The following KDM4C variants were observed in gnomAD, a reference collection of about 807,000 sequenced individuals.
KDM4C encodes lysine demethylase 4C.
In KDM4C, 81 loss-of-function variants were observed where a neutral mutation model predicts 129.3. The ratio of observed to expected loss-of-function variants is 0.63; its 90% confidence interval spans 0.52 to 0.75. The LOEUF is 0.75. Ranked by LOEUF, KDM4C falls within the 30% of genes least tolerant of loss-of-function variation. The probability of loss-of-function intolerance (pLI) is 0.00; values close to 1 mark genes in which losing one functional copy is unlikely to be tolerated. For synonymous variants in KDM4C, 573 were observed against 456.1 expected, an observed-to-expected ratio of 1.26 and a Z score of -3.26; for missense variants, 1,457 against 1,304.0, an observed-to-expected ratio of 1.12 and a Z score of -1.81.
chr9:7,134,454 TTATG>T (rs982988179), intron 19 of KDM4C, among the ~76,000 whole-genome samples: 1 of 152,228 alleles, frequency 6.6e-6, no homozygotes, highest in African/African-American at 2.4e-5. Context: ...ACCGTTATGT[TTATG>T]TAGCCAAATT....
intron 1 of KDM4C, among the ~76,000 whole-genome samples, chr9:6,739,844 T>G (rs1817631351): frequency 6.6e-6 from 1 of 152,104 alleles, no homozygotes; most frequent in South Asian, 2.1e-4. Context: ...TAAAAATGAA[T>G]AAATAGCAAA....
chr9:7,072,511 T>C (rs1380340797), intron 17 of KDM4C, among the ~76,000 whole-genome samples: 2 of 152,194 alleles, frequency 1.3e-5, no homozygotes, highest in Non-Finnish European at 2.9e-5. Flanking sequence ...AAGTGAAAGA[T>C]GCCTGACTCA....
intron 15 of KDM4C, among the ~76,000 whole-genome samples, chr9:7,036,455 A>G (rs1013844585): frequency 1.3e-5 from 2 of 152,272 alleles, no homozygotes; most frequent in African/African-American, 4.8e-5. Flanking sequence ...GCCACTTAAT[A>G]TGTGCCTGGC....
chr9:7,145,107 C>T (rs1002768952), intron 19 of KDM4C, among the ~76,000 whole-genome samples: 1 of 152,176 alleles, frequency 6.6e-6, no homozygotes, highest in African/African-American at 2.4e-5. Flanking sequence ...AGGCCTCCTC[C>T]TCGGGTGTTG....
At chr9:7,159,230 C>T (rs1366162138) in intron 19 of KDM4C, among the ~76,000 whole-genome samples, 2 of 152,120 alleles carry the variant, frequency 1.3e-5, no homozygotes, top group Non-Finnish European at 2.9e-5. Context: ...TGTGTCTCTG[C>T]ACATGAGCTG....
intron 4 of KDM4C, among the ~76,000 whole-genome samples, chr9:6,829,594 A>T (rs1489325441): frequency 3.9e-5 from 6 of 151,912 alleles, no homozygotes; most frequent in African/African-American, 1.5e-4. Flanking sequence ...ATCCTAGATG[A>T]CTCCTACTTA....
chr9:7,069,333 A>G (rs1450248211), intron 17 of KDM4C, among the ~76,000 whole-genome samples: 1 of 152,196 alleles, frequency 6.6e-6, no homozygotes, highest in Non-Finnish European at 1.5e-5. Context: ...CATACATAGA[A>G]TATTACGCAT....
intron 17 of KDM4C, among the ~76,000 whole-genome samples, chr9:7,050,652 C>A (rs1319152064): frequency 6.6e-6 from 1 of 152,044 alleles, no homozygotes; most frequent in East Asian, 1.9e-4. Context: ...CTTTTAAAAT[C>A]ACCTTTGTTT....
chr9:6,993,464 G>C (rs141456639), intron 12 of KDM4C, among the ~76,000 whole-genome samples: 104 of 152,228 alleles, frequency 6.8e-4, no homozygotes, highest in Middle Eastern at 3.4e-3. Flanking sequence ...CAAATGTTGT[G>C]TTGAAACCTA....
intron 1 of KDM4C, among the ~76,000 whole-genome samples, chr9:6,724,479 G>A (rs767044958): frequency 1.3e-5 from 2 of 152,060 alleles, no homozygotes; most frequent in African/African-American, 2.4e-5. Flanking sequence ...ATTATTTAAT[G>A]GAAATGGTAT....
At chr9:6,895,363 C>T (rs558310850) in intron 8 of KDM4C, among the ~76,000 whole-genome samples, 1 of 152,318 alleles carries the variant, frequency 6.6e-6, no homozygotes, top group East Asian at 1.9e-4. Context: ...AGTTGTAAGA[C>T]TAAACGTTCA....
At chr9:7,123,993 C>G (rs1255140667) in intron 18 of KDM4C, among the ~76,000 whole-genome samples, 1 of 152,206 alleles carries the variant, frequency 6.6e-6, no homozygotes. Context: ...GTATGTTCTT[C>G]ATTTCCTAGA....
intron 8 of KDM4C, among the ~76,000 whole-genome samples, chr9:6,938,112 T>C (rs1044129666): frequency 3.3e-5 from 5 of 152,148 alleles, no homozygotes; most frequent in African/African-American, 1.2e-4. Context: ...TTAGTACTAA[T>C]TAGATTTGCA....
chr9:6,915,035 A>G (rs748084227), intron 8 of KDM4C, among the ~76,000 whole-genome samples: 4 of 152,226 alleles, frequency 2.6e-5, no homozygotes, highest in Non-Finnish European at 5.9e-5. Context: ...AAAGGGGCAC[A>G]ATTTGAAATT....
In KDM4C at chr9:6,965,250, A is replaced by T. The variant is rs190989076; in HGVS notation, c.922-15675A>T. ...CAAGGCAAATTGCAAAGAAAAAAAA[A>T]GTCTAAAACCACATATCAATTTTAT... On this transcript the variant is annotated intron_variant, in intron 8 of 21. Transcript: ENST00000381309. Among the ~76,000 whole-genome samples the T allele has an allele frequency of 3.0e-4, 46 of 151,830 alleles. 1 individual carries two copies. In the East Asian group the frequency reaches 8.3e-3, roughly 27 times the overall value.
At chr9:6,845,517 C>T (rs16924883) in intron 4 of KDM4C, among the ~76,000 whole-genome samples, 6,785 of 152,216 alleles carry the variant, frequency 0.045, 225 homozygotes, top group East Asian at 0.15. Flanking sequence ...GCCTGGCCTA[C>T]GAGTGCTTTT....
chr9:6,868,035 G>A (rs1294452834), intron 5 of KDM4C, among the ~76,000 whole-genome samples: 2 of 152,080 alleles, frequency 1.3e-5, no homozygotes, highest in Non-Finnish European at 1.5e-5. Context: ...AGTTTCTGCA[G>A]AATCTCAATA....
At position 6,799,597 on chromosome 9, in the gene KDM4C, G is replaced by GGGGAGAC. The variant is rs1428812367; in HGVS notation, c.145-5981_145-5975dup. On this transcript the variant is annotated intron_variant, in intron 2 of 21. Coordinates refer to ENST00000381309, the MANE Select transcript of KDM4C (RefSeq NM_015061.6). Reference sequence around the variant, plus strand: ...AGGGATGAGAGGGAGACCGTGGAAAGGGGAGACGGGAGACGGGAGACGGGA... The same window carrying GGGGAGAC: ...AGGGATGAGAGGGAGACCGTGGAAAGGGGAGACGGGAGACGGGAGACGGGAGACGGGA... 3.3e-3 allele frequency among the ~76,000 whole-genome samples: 474 copies of GGGGAGAC among 141,980 alleles called. 1 individual carries two copies. Among genetic ancestry groups the GGGGAGAC allele is most frequent in the Non-Finnish European group, 4.7e-3 (288 of 61,382 alleles). The allele number at this position is 141,980 out of a possible 152,430, so 93.1% of individuals were successfully genotyped here. A position where few individuals can be genotyped will look rare whatever the true frequency, so the allele number is the denominator to read the frequency against.
At chr9:6,941,263 C>T (rs1825884674) in intron 8 of KDM4C, among the ~76,000 whole-genome samples, 2 of 152,150 alleles carry the variant, frequency 1.3e-5, no homozygotes, top group Admixed American at 1.3e-4. Context: ...CCGGCCTCAG[C>T]CTCCCAGAGT....
Sources: allele counts gnomAD v4.1 joint callset (sites outside exome capture counted in the v4.1 genomes callset), GRCh38; gene constraint gnomAD v4.1.1; transcripts MANE v1.5; gene names NCBI Gene and HGNC (gene_info 2026-07-23, HGNC 2026-07-21).